DCDC1: variants seen among roughly 807,000 people sequenced by gnomAD.
DCDC1 encodes doublecortin domain-containing protein 1.
DCDC1 carries 200 observed loss-of-function variants against 178.3 expected under a neutral mutation model. The ratio of observed to expected loss-of-function variants is 1.12; its 90% confidence interval spans 1.00 to 1.26. The LOEUF is 1.26. Ranked by LOEUF, DCDC1 falls within the 50% of genes most tolerant of loss-of-function variation. The probability of loss-of-function intolerance (pLI) is 0.00; values close to 1 mark genes in which losing one functional copy is unlikely to be tolerated. For synonymous variants in DCDC1, 690 were observed against 604.8 expected, an observed-to-expected ratio of 1.14 and a Z score of -2.07; for missense variants, 1,983 against 1,749.2, an observed-to-expected ratio of 1.13 and a Z score of -2.38.
chr11:31,127,953 T>C (rs889497311), intron 10 of DCDC1, among the ~76,000 whole-genome samples: 1 of 152,162 alleles, frequency 6.6e-6, no homozygotes, highest in African/African-American at 2.4e-5. Context: ...TTTTAAACTG[T>C]TTAACAAAAT....
intron 32 of DCDC1, among the ~76,000 whole-genome samples, chr11:30,902,328 G>A (rs1944744147): frequency 1.3e-5 from 2 of 152,162 alleles, no homozygotes; most frequent in Admixed American, 6.6e-5. Context: ...TCTGGAGAAC[G>A]TAACCCTCAC....
intron 20 of DCDC1, among the ~76,000 whole-genome samples, chr11:31,040,456 C>G (rs570423511): frequency 5.9e-5 from 9 of 152,080 alleles, no homozygotes; most frequent in African/African-American, 2.2e-4. Context: ...GTGTGGGAAC[C>G]GCTGTTATAG....
At chr11:31,294,818 GAA>G (rs1947537632) in intron 6 of DCDC1, among the ~76,000 whole-genome samples, 1 of 96,098 alleles carries the variant, frequency 1.0e-5, no homozygotes, top group Non-Finnish European at 2.3e-5. Flanking sequence ...AAGAAAGAAA[GAA>G]AGAAAGAAAG....
chr11:31,031,564 T>C (rs1169590836), intron 20 of DCDC1, among the ~76,000 whole-genome samples: 2 of 152,100 alleles, frequency 1.3e-5, no homozygotes, highest in African/African-American at 4.8e-5. Context: ...TTACTACTTA[T>C]TGTGGAAAAG....
intron 9 of DCDC1, among the ~76,000 whole-genome samples, chr11:31,213,302 C>A (rs574792809): frequency 2.6e-5 from 4 of 151,538 alleles, no homozygotes; most frequent in Non-Finnish European, 5.9e-5. Flanking sequence ...TCAAATTTAG[C>A]CTTATCATTG....
chr11:30,949,814 A>G (rs1159640795), intron 21 of DCDC1, among the ~76,000 whole-genome samples: 1 of 138,634 alleles, frequency 7.2e-6, no homozygotes, highest in Non-Finnish European at 1.5e-5. Context: ...ATGAGAACAG[A>G]TGGACACAGG....
intron 21 of DCDC1, among the ~76,000 whole-genome samples, chr11:30,935,096 A>G (rs747995136): frequency 2.6e-5 from 4 of 152,156 alleles, no homozygotes; most frequent in Non-Finnish European, 5.9e-5. Context: ...TGGATTGTCA[A>G]TGGTGATAAG....
chr11:31,307,073 G>A (rs1209136542), intron 4 of DCDC1, among the ~76,000 whole-genome samples: 3 of 152,080 alleles, frequency 2.0e-5, no homozygotes, highest in Non-Finnish European at 2.9e-5. Flanking sequence ...TAATGCCACA[G>A]AAGAAGAGTA....
At chr11:31,143,535 T>G (rs893537177) in intron 9 of DCDC1, among the ~76,000 whole-genome samples, 1 of 152,144 alleles carries the variant, frequency 6.6e-6, no homozygotes, top group African/African-American at 2.4e-5. Context: ...TTTTTGAACT[T>G]AAATATAAGT....
chr11:31,333,167 G>A (rs776081208), intron 2 of DCDC1, among the ~76,000 whole-genome samples: 9 of 152,026 alleles, frequency 5.9e-5, no homozygotes, highest in Non-Finnish European at 1.0e-4. Context: ...ATCTTTGTTG[G>A]TTTAAAGTCT....
Position 30,892,949 on chromosome 11 carries a change from T to C in DCDC1, c.4951A>G (p.Ile1651Val), listed in dbSNP as rs368503716. 301 of 1,613,982 alleles carry C rather than the reference T, an allele frequency of 1.9e-4. 1 individual carries two copies. In the South Asian group the frequency reaches 2.8e-3, roughly 15 times the overall value. Reference sequence around the variant, plus strand: ...TTGACTGCTATACGTTTGGTTGCAATTGGAAAATTTATTTTGGATTCCATT... The same window carrying C: ...TTGACTGCTATACGTTTGGTTGCAACTGGAAAATTTATTTTGGATTCCATT... ...QEMESKINFP[I>V]ATKRIAVKPS... Residue 1651 changes from isoleucine (I) to valine (V), a missense_variant, in exon 36 of 39, where the codon ATT (isoleucine) becomes GTT (valine). Ile to Val is a conservative substitution (Grantham distance 29). Coordinates refer to ENST00000684477, the MANE Select transcript of DCDC1 (RefSeq NM_001387274.1).
intron 20 of DCDC1, among the ~76,000 whole-genome samples, chr11:30,982,394 T>C (rs933063096): frequency 6.6e-6 from 1 of 152,222 alleles, no homozygotes; most frequent in Non-Finnish European, 1.5e-5. Context: ...ATAACATTGC[T>C]TCCTTTTTCA....
chr11:30,944,959 C>CTTTTTTTT lies in DCDC1; in HGVS notation c.2715+7478_2715+7485dup, dbSNP rs34334567. Among the ~76,000 whole-genome samples the CTTTTTTTT allele has an allele frequency of 4.6e-5, 3 of 65,508 alleles. 1 individual carries two copies. The highest frequency in any genetic ancestry group is 1.9e-4 in the African/African-American group (3 of 15,824). 43.0% of individuals were successfully genotyped at this position (65,508 alleles called of 152,430 possible). A position where few individuals can be genotyped will look rare whatever the true frequency, so the allele number is the denominator to read the frequency against. On this transcript the variant is annotated intron_variant, in intron 21 of 38. Coordinates refer to ENST00000684477, the MANE Select transcript of DCDC1 (RefSeq NM_001387274.1). ...AATCACAGACCATCAACAAAAATGT[C>CTTTTTTTT]TTTTTTTTTTTTTTTTTTTTTTTTT...
intron 8 of DCDC1, chr11:31,262,894 T>G: frequency 1.7e-6 from 1 of 587,378 alleles, no homozygotes; most frequent in Non-Finnish European, 2.8e-6. Context: ...TGCTTCCACA[T>G]GTTAGTGGTT....
intron 9 of DCDC1, among the ~76,000 whole-genome samples, chr11:31,213,109 CTCT>C: frequency 3.0e-5 from 1 of 33,706 alleles, no homozygotes; most frequent in Admixed American, 2.4e-4. Context: ...GCCTCTCTCT[CTCT>C]CTCTCTCTCT....
At chr11:30,971,794 A>G (rs1318160905) in intron 20 of DCDC1, among the ~76,000 whole-genome samples, 2 of 151,984 alleles carry the variant, frequency 1.3e-5, no homozygotes, top group East Asian at 3.9e-4. Flanking sequence ...TATTTTTAGT[A>G]GAGACGGGGT....
intron 16 of DCDC1, among the ~76,000 whole-genome samples, chr11:31,093,169 A>C (rs1359955332): frequency 1.3e-5 from 2 of 152,244 alleles, no homozygotes; most frequent in Non-Finnish European, 2.9e-5. Flanking sequence ...GGAAAAGCTC[A>C]TGTAAACTTA....
At chr11:31,348,974 T>C (rs968984300) in intron 1 of DCDC1, among the ~76,000 whole-genome samples, 2 of 152,212 alleles carry the variant, frequency 1.3e-5, no homozygotes, top group African/African-American at 2.4e-5. Flanking sequence ...GCAATAGTTA[T>C]ATCCCTGAGT....
chr11:31,182,999 CAAAG>C (rs1412497652), intron 9 of DCDC1, among the ~76,000 whole-genome samples: 1 of 151,960 alleles, frequency 6.6e-6, no homozygotes, highest in Non-Finnish European at 1.5e-5. Flanking sequence ...TCAAAAAAGA[CAAAG>C]AAGGGCATTA....
Sources: allele counts gnomAD v4.1 joint callset (sites outside exome capture counted in the v4.1 genomes callset), GRCh38; gene constraint gnomAD v4.1.1; transcripts MANE v1.5; gene names NCBI Gene and HGNC (gene_info 2026-07-23, HGNC 2026-07-21).